Variants in TOP1MT observed in about 807,000 individuals in gnomAD.
TOP1MT encodes DNA topoisomerase I mitochondrial.
In TOP1MT, 80 loss-of-function variants were observed where a neutral mutation model predicts 73.9. The observed-to-expected ratio is 1.08, with a 90% CI of 0.90 to 1.30. TOP1MT has a LOEUF of 1.30. Among genes scored for constraint, TOP1MT ranks in the 50% most tolerant of loss-of-function variants. TOP1MT has a pLI of 0.00. For synonymous variants in TOP1MT, 338 were observed against 326.4 expected (o/e 1.04, Z -0.38); for missense variants, 815 against 808.0 (o/e 1.01, Z -0.10).
intron 1 of TOP1MT, among the ~76,000 whole-genome samples, chr8:143,333,403 T>C (rs926882926): frequency 6.6e-6 from 1 of 152,122 alleles, no homozygotes; most frequent in South Asian, 2.1e-4. Context: ...GAGTTGAAAT[T>C]GCACCACTGC....
chr8:143,354,541 C>T (rs929429813), intron 1 of TOP1MT, among the ~76,000 whole-genome samples: 1 of 151,844 alleles, frequency 6.6e-6, no homozygotes, highest in Admixed American at 6.6e-5. Flanking sequence ...GGAGAAACCC[C>T]GTCTCTACTA....
At chr8:143,333,727 A>C (rs1816919515) in intron 1 of TOP1MT, 1 of 152,486 alleles carries the variant, frequency 6.6e-6, no homozygotes, top group Non-Finnish European at 1.5e-5. Context: ...AAAGCCAGAG[A>C]CCTTGCTCCA....
intron 5 of TOP1MT, among the ~76,000 whole-genome samples, chr8:143,324,992 C>G (rs181131927): frequency 6.6e-6 from 1 of 152,198 alleles, no homozygotes; most frequent in Non-Finnish European, 1.5e-5. Context: ...CACAGTACAA[C>G]ATGTGGCCCA....
At chr8:143,349,121 G>A (rs375734422), upstream of TOP1MT, among the ~76,000 whole-genome samples, 12 of 152,180 alleles carry the variant, frequency 7.9e-5, no homozygotes, top group East Asian at 9.7e-4. Flanking sequence ...ACCAACAGGC[G>A]GGCCATGAGC....
chr8:143,349,307 C>T (rs1246755119), upstream of TOP1MT, among the ~76,000 whole-genome samples: 1 of 133,456 alleles, frequency 7.5e-6, no homozygotes, highest in Non-Finnish European at 1.6e-5. Context: ...GAGCCCCCCT[C>T]CCACCCCCCT....
chr8:143,324,335 G>C lies in TOP1MT; in HGVS notation c.816+150C>G, dbSNP rs562899357. 7.4e-6 allele frequency: 10 copies of C among 1,358,324 alleles called. No homozygotes were observed. The East Asian group carries it at 2.4e-4, about 33-fold the overall frequency. The allele number at this position is 1,358,324 out of a possible 1,614,324, so 84.1% of individuals were successfully genotyped here. On this transcript the variant is annotated intron_variant, in intron 6 of 13. Transcript: ENST00000329245. ...GCCCACTCCTGGCTTTGGGGCTTGT[G>C]CCTGCTGGCACAGCATGACCTCAGC...
intron 12 of TOP1MT, among the ~76,000 whole-genome samples, chr8:143,313,903 C>G (rs75795354): frequency 1.3e-5 from 2 of 151,456 alleles, no homozygotes; most frequent in African/African-American, 4.9e-5. Flanking sequence ...CAAGAGTGGG[C>G]GAAACATCGA....
At chr8:143,321,879 C>G (rs1460590267) in intron 7 of TOP1MT, among the ~76,000 whole-genome samples, 24 of 70,474 alleles carry the variant, frequency 3.4e-4, no homozygotes, top group South Asian at 1.3e-3. Context: ...GCACACCACA[C>G]GCACGCCACA....
chr8:143,337,028 A>C (rs1816993321), upstream of TOP1MT, among the ~76,000 whole-genome samples: 1 of 152,368 alleles, frequency 6.6e-6, no homozygotes, highest in East Asian at 1.9e-4. Context: ...AGGAAGTATC[A>C]AGCTTATACT....
intron 12 of TOP1MT, among the ~76,000 whole-genome samples, chr8:143,313,399 A>G (rs9801820): frequency 0.5 from 76,123 of 151,342 alleles, 20,574 homozygotes; most frequent in East Asian, 0.76. Flanking sequence ...AAAATACAAA[A>G]ATTAGCCAGG....
intron 10 of TOP1MT, among the ~76,000 whole-genome samples, 153 bp downstream of exon 10, chr8:143,317,570 T>A (rs1206732417): frequency 6.6e-6 from 1 of 152,158 alleles, no homozygotes; most frequent in Non-Finnish European, 1.5e-5. Context: ...TCTGGCCACC[T>A]AGGCTGCCAA....
chr8:143,326,121 G>C (rs931911682), intron 4 of TOP1MT, 101 bp downstream of exon 4: 18 of 1,349,560 alleles, frequency 1.3e-5, no homozygotes, highest in Non-Finnish European at 1.8e-5. Flanking sequence ...TTGTGAGAAG[G>C]GGCTTCTCTA....
At chr8:143,314,884 A>G (rs1317566862) in intron 12 of TOP1MT, among the ~76,000 whole-genome samples, 1 of 152,230 alleles carries the variant, frequency 6.6e-6, no homozygotes, top group African/African-American at 2.4e-5. Flanking sequence ...TAGCCTAGGA[A>G]AAACCAGGCC....
rs1439184115 is a variant in TOP1MT at position 143,326,217 on chromosome 8, C to T, written c.483+5G>A. 1.2e-6 allele frequency: 2 copies of T among 1,613,696 alleles called. No homozygotes were observed. The highest frequency in any genetic ancestry group is 2.2e-5 in the East Asian group (1 of 44,872). ...CAGGTCACACAACGCTCGAGGCAGC[C>T]CAACCTGCTTCTCCTCCCTGCTCAG... On this transcript the variant is annotated splice_donor_5th_base_variant and intron_variant, in intron 4 of 13. Coordinates refer to ENST00000329245, the MANE Select transcript of TOP1MT (RefSeq NM_052963.3).
At chr8:143,336,564 G>T (rs993173198), upstream of TOP1MT, among the ~76,000 whole-genome samples, 2 of 152,078 alleles carry the variant, frequency 1.3e-5, no homozygotes, top group African/African-American at 4.8e-5. Context: ...TCTCAACATG[G>T]TACCAGAGGC....
chr8:143,321,343 G>A lies in TOP1MT; in HGVS notation c.1004C>T (p.Ala335Val), dbSNP rs1554619861. ...GAGGGAACAGCAGCCCACGGTGTCG[G>A]CCGCCTCACCGTCCTCCTTCTCATT... The part of the protein sequence containing the change: ...AGNEKEDGEA[A>V]DTVGCCSLRV... Residue 335 changes from alanine (A) to valine (V), a missense_variant, in exon 8 of 14, where the codon GCC becomes GTC. By Grantham distance (64) the Ala-to-Val change is moderately conservative. Around this residue, in one of 3 missense-constraint regions of TOP1MT, gnomAD observed 751 missense variants for 725.4 expected, o/e 1.04. Transcript: ENST00000329245. 1.3e-6 allele frequency: 2 copies of A among 1,599,854 alleles called. No homozygotes were observed. Among genetic ancestry groups the A allele is most frequent in the East Asian group, 2.2e-5 (1 of 44,540 alleles).
chr8:143,321,936 A>ACG (rs1816420687), intron 7 of TOP1MT, among the ~76,000 whole-genome samples: 1 of 115,610 alleles, frequency 8.6e-6, no homozygotes, highest in Non-Finnish European at 1.7e-5. Context: ...TGCACGCCAC[A>ACG]CACGCACGCC....
intron 2 of TOP1MT, among the ~76,000 whole-genome samples, chr8:143,330,890 G>A (rs1816834063): frequency 6.7e-6 from 1 of 148,210 alleles, no homozygotes; most frequent in Non-Finnish European, 1.5e-5. Flanking sequence ...TGTACACGCA[G>A]TGTACGTACT....
chr8:143,322,657 C>A (rs1816503017), intron 7 of TOP1MT, among the ~76,000 whole-genome samples: 1 of 125,458 alleles, frequency 8.0e-6, no homozygotes, highest in Admixed American at 7.9e-5. Context: ...ACGCACACCA[C>A]ACACGCACGC....
Sources: allele counts gnomAD v4.1 joint callset (sites outside exome capture counted in the v4.1 genomes callset), GRCh38; gene constraint gnomAD v4.1.1; regional missense constraint gnomAD v4.1.1; transcripts MANE v1.5; gene names NCBI Gene and HGNC (gene_info 2026-07-23, HGNC 2026-07-21).